The following FUT5 variants were observed in gnomAD, a reference collection of about 807,000 sequenced individuals.
The protein encoded by FUT5 is 4-galactosyl-N-acetylglucosaminide 3-alpha-L-fucosyltransferase FUT5.
FUT5 carries 1 observed loss-of-function variant against 0.8 expected under a neutral mutation model. That is an observed-to-expected ratio of 1.26 (90% CI 0.45 to 5.99). FUT5 has a LOEUF of 5.99. Ranked by LOEUF, FUT5 falls within the 30% of genes most tolerant of loss-of-function variation. FUT5 has a pLI of 0.15. For missense variants in FUT5, 437 were observed against 517.8 expected, an observed-to-expected ratio of 0.84 and a Z score of 1.51; for synonymous variants, 212 against 225.7, an observed-to-expected ratio of 0.94 and a Z score of 0.54.
chr19:5,867,209 G>A lies in FUT5; in HGVS notation c.517C>T (p.Arg173Cys), dbSNP rs559123619. Residue 173 changes from arginine (R) to cysteine (C), a missense_variant, in exon 2 of 2, where the codon CGC (arginine) becomes TGC (cysteine). By Grantham distance (180) the Arg-to-Cys change is radical. Coordinates refer to ENST00000588525, the MANE Select transcript of FUT5 (RefSeq NM_002034.2). The surrounding 1 kb of genome is among the most constrained non-coding windows in gnomAD (Gnocchi z 5.0). ...GGCGTGAAGATGTCGGAGTCGCTGC[G>A]GTAGGACATGGTGAGATTGAAGTAT... is the stretch of plus-strand genomic sequence containing the variant. ...DGYFNLTMSY[R>C]SDSDIFTPYG... The A allele has an allele frequency of 4.5e-5, 72 of 1,612,100 alleles. No individual in the cohort carries two copies. Among genetic ancestry groups the A allele is most frequent in the East Asian group, 1.6e-4 (7 of 44,758 alleles).
At chr19:5,869,278 CTTTT>C (rs780424110) in intron 1 of FUT5, among the ~76,000 whole-genome samples, 3 of 125,998 alleles carry the variant, frequency 2.4e-5, no homozygotes, top group African/African-American at 9.1e-5. Context: ...CATGCCCAGC[CTTTT>C]TTTTTTTTTT....
chr19:5,866,627 G>T lies in FUT5; in HGVS notation c.1099C>A (p.Arg367Ser). ...CAGGTGAACCAAGCCGCTATGCTGC[G>T]CACCGTCTGGTACCTAGATTCCTGC... ...LQQESRYQTVRSIAAWFT is the reference protein window; with the variant it reads ...LQQESRYQTVSSIAAWFT Residue 367 changes from arginine (R) to serine (S), a missense_variant, in exon 2 of 2, where the codon CGC (arginine) becomes AGC (serine). Arg to Ser is a moderately radical substitution (Grantham distance 110). Around this residue, in one of 2 missense-constraint regions of FUT5, gnomAD observed 176 missense variants for 275.2 expected, o/e 0.64. Transcript: ENST00000588525. This position sits in a 1 kb window ranked among gnomAD's most constrained non-coding sequence, Gnocchi z 4.9. 31 of 1,613,242 alleles carry T rather than the reference G, an allele frequency of 1.9e-5. No homozygotes were observed. Among genetic ancestry groups the T allele is most frequent in the Non-Finnish European group, 2.5e-5 (30 of 1,179,992 alleles).
In FUT5 at chr19:5,866,538, A is replaced by T. The variant is rs374028; in HGVS notation, c.*63T>A. The T allele has an allele frequency of 6.2e-7, 1 of 1,610,932 alleles. No homozygotes were observed. The highest frequency in any genetic ancestry group is 1.7e-5 in the Admixed American group (1 of 59,908). On this transcript the variant is annotated 3_prime_UTR_variant, in exon 2 of 2. Coordinates refer to ENST00000588525, the MANE Select transcript of FUT5 (RefSeq NM_002034.2). This position sits in a 1 kb window ranked among gnomAD's most constrained non-coding sequence, Gnocchi z 4.9. ...GTAGGTAAATCCCCCGACTAGTGAG[A>T]CCCTAGGTAGGTGAGGCCCTGGGAA... is the stretch of plus-strand genomic sequence containing the variant.
intron 1 of FUT5, among the ~76,000 whole-genome samples, chr19:5,869,143 G>A (rs148155052): frequency 0.011 from 1,708 of 151,878 alleles, 42 homozygotes; most frequent in African/African-American, 0.039. Flanking sequence ...TACCATGCCC[G>A]GCTAATTTTT....
In FUT5 at chr19:5,867,852, A is replaced by C; in HGVS notation, c.-12-115T>G. ...GACACAGCTTGTCATAAATGCCCCC[A>C]GTACCCCTGAGTTGAGGATTGAATT... On this transcript the variant is annotated intron_variant, in intron 1 of 1. Coordinates refer to ENST00000588525, the MANE Select transcript of FUT5 (RefSeq NM_002034.2). This position sits in a 1 kb window ranked among gnomAD's most constrained non-coding sequence, Gnocchi z 5.0. The C allele has an allele frequency of 9.3e-7, 1 of 1,073,938 alleles. No homozygotes were observed. Among genetic ancestry groups the C allele is most frequent in the Non-Finnish European group, 1.4e-6 (1 of 716,074 alleles). 66.5% of individuals were successfully genotyped at this position (1,073,938 alleles called of 1,614,324 possible). A position where few individuals can be genotyped will look rare whatever the true frequency, so the allele number is the denominator to read the frequency against.
Position 5,866,441 on chromosome 19 carries a change from A to G in FUT5, c.*160T>C. On this transcript the variant is annotated 3_prime_UTR_variant, in exon 2 of 2. Coordinates refer to ENST00000588525, the MANE Select transcript of FUT5 (RefSeq NM_002034.2). The surrounding 1 kb of genome is among the most constrained non-coding windows in gnomAD (Gnocchi z 4.9). Reference sequence around the variant, plus strand: ...GGTAAGTCACATGCCTGGCCACCAAAGACTCCAGCAGGTGAGGCCCCAGGC... The same window carrying G: ...GGTAAGTCACATGCCTGGCCACCAAGGACTCCAGCAGGTGAGGCCCCAGGC... 1 of 1,171,272 alleles carries G rather than the reference A, an allele frequency of 8.5e-7. No individual in the cohort carries two copies. Among genetic ancestry groups the G allele is most frequent in the Admixed American group, 1.9e-5 (1 of 52,158 alleles). The allele number at this position is 1,171,272 out of a possible 1,614,324, so 72.6% of individuals were successfully genotyped here. A position where few individuals can be genotyped will look rare whatever the true frequency, so the allele number is the denominator to read the frequency against.
chr19:5,869,891 G>A (rs903709437), intron 1 of FUT5, among the ~76,000 whole-genome samples: 3 of 151,828 alleles, frequency 2.0e-5, no homozygotes, highest in East Asian at 1.9e-4. Context: ...CTAACATGGC[G>A]AAACCCTGTT....
chr19:5,869,278 CTTT>C (rs780424110), intron 1 of FUT5, among the ~76,000 whole-genome samples: 10 of 125,984 alleles, frequency 7.9e-5, no homozygotes, highest in African/African-American at 2.7e-4. Flanking sequence ...CATGCCCAGC[CTTT>C]TTTTTTTTTT....
At position 5,867,082 on chromosome 19, in the gene FUT5, G is replaced by A. The variant is rs774312190; in HGVS notation, c.644C>T (p.Pro215Leu). The A allele has an allele frequency of 6.3e-5, 102 of 1,613,388 alleles. No individual in the cohort carries two copies. Among genetic ancestry groups the A allele is most frequent in the Middle Eastern group, 1.6e-4 (1 of 6,076 alleles). ...LVAWAVSNWKPDSARVRYYQS... is the reference protein window; with the variant it reads ...LVAWAVSNWKLDSARVRYYQS... ...GTAGTAGCGCACCCTGGCCGAGTCCGGCTTCCAGTTGGACACCGCCCAGGC... is the reference window on the plus strand; with the variant it reads ...GTAGTAGCGCACCCTGGCCGAGTCCAGCTTCCAGTTGGACACCGCCCAGGC... Residue 215 changes from proline (P) to leucine (L), a missense_variant, in exon 2 of 2, where the codon CCG becomes CTG. Coordinates refer to ENST00000588525, the MANE Select transcript of FUT5 (RefSeq NM_002034.2). This position sits in a 1 kb window ranked among gnomAD's most constrained non-coding sequence, Gnocchi z 5.0.
chr19:5,867,711 G>A lies in FUT5; in HGVS notation c.15C>T (p.Gly5=), dbSNP rs1431309113. 6.2e-7 allele frequency: 1 copy of A among 1,613,258 alleles called. No homozygotes were observed. Among genetic ancestry groups the A allele is most frequent in the African/African-American group, 1.3e-5 (1 of 75,038 alleles). The part of the protein sequence containing the change: MDPL[G]PAKPQWLWRR... ...GCCACAGCCACTGTGGCTTGGCTGG[G>A]CCCAGGGGATCCATGGGTCAGAGTA... The change falls in exon 2 of 2, where the codon GGC becomes GGT. Residue 5 remains glycine (G), a synonymous_variant. Transcript: ENST00000588525. The surrounding 1 kb of genome is among the most constrained non-coding windows in gnomAD (Gnocchi z 5.0).
rs557931883 is a variant in FUT5, at chr19:5,866,838, C to G, written c.888G>C (p.Arg296Ser). 1.2e-4 allele frequency: 200 copies of G among 1,606,328 alleles called. No individual in the cohort carries two copies. In the African/African-American group the frequency reaches 2.4e-3, roughly 19 times the overall value. ...VLGPSRSNYE[R>S]FLPPDAFIHV... is the part of the protein sequence containing the mutation. ...GGATGAAGGCGTCGGGTGGCAGGAACCTCTCGTAGTTGCTTCTGCTGGGGC... is the reference window on the plus strand; with the variant it reads ...GGATGAAGGCGTCGGGTGGCAGGAAGCTCTCGTAGTTGCTTCTGCTGGGGC... Residue 296 changes from arginine (R) to serine (S), a missense_variant, in exon 2 of 2, where the codon AGG becomes AGC. Arg to Ser is a moderately radical substitution (Grantham distance 110). Coordinates refer to ENST00000588525, the MANE Select transcript of FUT5 (RefSeq NM_002034.2). This position sits in a 1 kb window ranked among gnomAD's most constrained non-coding sequence, Gnocchi z 4.9.
Position 5,866,438 on chromosome 19 carries a change from C to T in FUT5, c.*163G>A. The T allele has an allele frequency of 1.7e-6, 2 of 1,161,744 alleles. No individual in the cohort carries two copies. The highest frequency in any genetic ancestry group is 2.5e-6 in the Non-Finnish European group (2 of 800,038). The allele number at this position is 1,161,744 out of a possible 1,614,324, so 72.0% of individuals were successfully genotyped here. A position where few individuals can be genotyped will look rare whatever the true frequency, so the allele number is the denominator to read the frequency against. On this transcript the variant is annotated 3_prime_UTR_variant, in exon 2 of 2. Transcript: ENST00000588525. The surrounding 1 kb of genome is among the most constrained non-coding windows in gnomAD (Gnocchi z 4.9). ...CCAGGTAAGTCACATGCCTGGCCACCAAAGACTCCAGCAGGTGAGGCCCCA... is the reference window on the plus strand; with the variant it reads ...CCAGGTAAGTCACATGCCTGGCCACTAAAGACTCCAGCAGGTGAGGCCCCA...
At chr19:5,870,213 C>T (rs2057518591) in intron 1 of FUT5, among the ~76,000 whole-genome samples, 1 of 151,722 alleles carries the variant, frequency 6.6e-6, no homozygotes, top group Non-Finnish European at 1.5e-5. Flanking sequence ...GCCACTGTGC[C>T]TGGCCTATTG....
rs773748982 is a variant in FUT5, at chr19:5,867,398, A to G, written c.328T>C (p.Ser110Pro). The G allele has an allele frequency of 5.0e-6, 8 of 1,613,296 alleles. No homozygotes were observed. The highest frequency in any genetic ancestry group is 1.3e-5 in the African/African-American group (1 of 74,800). ...GAADCNITAD[S>P]SVYPQADAVI... ...GCGTCTGCCTGTGGGTACACACTGG[A>G]GTCGGCAGTGATGTTGCAGTCGGCC... is the stretch of plus-strand genomic sequence containing the variant. The change falls in exon 2 of 2, where the codon TCC (serine) becomes CCC (proline). Residue 110 changes from serine to proline, a missense_variant. Coordinates refer to ENST00000588525, the MANE Select transcript of FUT5 (RefSeq NM_002034.2). This position sits in a 1 kb window ranked among gnomAD's most constrained non-coding sequence, Gnocchi z 5.0.
Position 5,867,194 on chromosome 19 carries a change from T to A in FUT5, c.532A>T (p.Ile178Phe). 1 of 1,612,712 alleles carries A rather than the reference T, an allele frequency of 6.2e-7. No individual in the cohort carries two copies. Among genetic ancestry groups the A allele is most frequent in the Non-Finnish European group, 8.5e-7 (1 of 1,179,846 alleles). ...TCCAGCCAGCCGTAGGGCGTGAAGA[T>A]GTCGGAGTCGCTGCGGTAGGACATG... is the stretch of plus-strand genomic sequence containing the variant. Reference protein sequence around the residue: ...LTMSYRSDSDIFTPYGWLEPW... With the variant: ...LTMSYRSDSDFFTPYGWLEPW... Residue 178 changes from isoleucine to phenylalanine, a missense_variant, in exon 2 of 2, where the codon ATC (isoleucine) becomes TTC (phenylalanine). Physicochemically the swap from Ile to Phe is conservative, Grantham distance 21 (BLOSUM62 0). This residue lies in a region of FUT5 where 176 missense variants were observed against 275.2 expected (regional missense o/e 0.64). Transcript: ENST00000588525. The surrounding 1 kb of genome is among the most constrained non-coding windows in gnomAD (Gnocchi z 5.0).
rs190044131 is a variant in FUT5 at position 5,868,423 on chromosome 19, C to T, written c.-12-686G>A. On this transcript the variant is annotated intron_variant, in intron 1 of 1. Transcript: ENST00000588525. ...CCTTCAAAGAGGCTAAGAGGGCGAC[C>T]GGAGGAGGAGGAGGGAACCCGAACC... 3.6e-4 allele frequency among the ~76,000 whole-genome samples: 54 copies of T among 152,108 alleles called. No homozygotes were observed. In the East Asian group the frequency reaches 8.7e-3, roughly 24 times the overall value.
In FUT5 at chr19:5,867,492, G is replaced by A; in HGVS notation, c.234C>T (p.Ile78=). 1 of 1,115,092 alleles carries A rather than the reference G, an allele frequency of 9.0e-7. No homozygotes were observed. Among genetic ancestry groups the A allele is most frequent in the Non-Finnish European group, 1.3e-6 (1 of 793,848 alleles). 69.1% of individuals were successfully genotyped at this position (1,115,092 alleles called of 1,614,324 possible). A position where few individuals can be genotyped will look rare whatever the true frequency, so the allele number is the denominator to read the frequency against. ...TGTTAAAAGGCCACGTCCACAGCAG[G>A]ATCAGTAGGGTGGGGTGGGCAGGGG... is the stretch of plus-strand genomic sequence containing the variant. The part of the protein sequence containing the change: ...MATPAHPTLL[I]LLWTWPFNTP... Residue 78 remains isoleucine (I), a synonymous_variant, in exon 2 of 2, where the codon ATC becomes ATT. Coordinates refer to ENST00000588525, the MANE Select transcript of FUT5 (RefSeq NM_002034.2). This position sits in a 1 kb window ranked among gnomAD's most constrained non-coding sequence, Gnocchi z 5.0.
At position 5,867,099 on chromosome 19, in the gene FUT5, C is replaced by T. The variant is rs371940667; in HGVS notation, c.627G>A (p.Ala209=). The part of the protein sequence containing the change: ...LSAKTELVAW[A]VSNWKPDSAR... ...CCGAGTCCGGCTTCCAGTTGGACAC[C>T]GCCCAGGCCACCAGCTCGGTCTTGG... The change falls in exon 2 of 2, where the codon GCG becomes GCA. Residue 209 remains alanine (A), a synonymous_variant. Transcript: ENST00000588525. The surrounding 1 kb of genome is among the most constrained non-coding windows in gnomAD (Gnocchi z 5.0). 1.2e-4 allele frequency: 198 copies of T among 1,612,874 alleles called. 6 individuals carry two copies. Among genetic ancestry groups the T allele is most frequent in the South Asian group, 6.9e-4 (63 of 90,852 alleles).
chr19:5,866,539 C>G lies in FUT5; in HGVS notation c.*62G>C. ...TAGGTAAATCCCCCGACTAGTGAGA[C>G]CCTAGGTAGGTGAGGCCCTGGGAAA... On this transcript the variant is annotated 3_prime_UTR_variant, in exon 2 of 2. Transcript: ENST00000588525. This position sits in a 1 kb window ranked among gnomAD's most constrained non-coding sequence, Gnocchi z 4.9. 1 of 1,611,716 alleles carries G rather than the reference C, an allele frequency of 6.2e-7. No individual in the cohort carries two copies.
Sources: allele counts gnomAD v4.1 joint callset (sites outside exome capture counted in the v4.1 genomes callset), GRCh38; gene constraint gnomAD v4.1.1; regional missense constraint gnomAD v4.1.1; non-coding constraint Gnocchi (gnomAD v3.1); transcripts MANE v1.5; gene names NCBI Gene and HGNC (gene_info 2026-07-23, HGNC 2026-07-21).